The following CFAP95 variants were observed in gnomAD, a reference collection of about 807,000 sequenced individuals.
The protein encoded by CFAP95 is cilia and flagella associated protein 95.
chr9:69,845,645 C>G, the CFAP95 span, among the ~76,000 whole-genome samples: 1 of 152,128 alleles, frequency 6.6e-6, no homozygotes, highest in Admixed American at 6.6e-5. Flanking sequence ...TAATAAGGAT[C>G]GCCTGGAGAA....
chr9:69,854,518 G>T, the CFAP95 span, among the ~76,000 whole-genome samples: 2 of 152,188 alleles, frequency 1.3e-5, no homozygotes, highest in Non-Finnish European at 2.9e-5. Context: ...TAGCTGATTT[G>T]CCTGGGCATT....
chr9:69,834,929 T>A, the CFAP95 span, among the ~76,000 whole-genome samples: 1 of 152,250 alleles, frequency 6.6e-6, no homozygotes. Context: ...TCTTCATTTA[T>A]CAGTTTGAGG....
chr9:69,823,747 C>A, the CFAP95 span, among the ~76,000 whole-genome samples: 1 of 151,946 alleles, frequency 6.6e-6, no homozygotes, highest in Admixed American at 6.6e-5. Flanking sequence ...AGGGTGGGGC[C>A]GTTTTATAGG....
At chr9:69,833,399 G>A in the CFAP95 span, among the ~76,000 whole-genome samples, 3 of 152,008 alleles carry the variant, frequency 2.0e-5, no homozygotes, top group South Asian at 4.2e-4. Flanking sequence ...ACGGGGTTTC[G>A]CCATGTTGGG....
chr9:69,846,317 T>G, the CFAP95 span, among the ~76,000 whole-genome samples: 4 of 152,168 alleles, frequency 2.6e-5, no homozygotes, highest in Admixed American at 2.6e-4. Flanking sequence ...AAGCCTCAGG[T>G]TTAATGAGAA....
At chr9:69,849,720 C>T in the CFAP95 span, among the ~76,000 whole-genome samples, 1 of 152,128 alleles carries the variant, frequency 6.6e-6, no homozygotes, top group Non-Finnish European at 1.5e-5. Flanking sequence ...ACATACCATT[C>T]AGGTTTCAAT....
the CFAP95 span, among the ~76,000 whole-genome samples, chr9:69,898,586 A>G: frequency 6.6e-6 from 1 of 152,322 alleles, no homozygotes; most frequent in East Asian, 1.9e-4. Flanking sequence ...AAATAGTTCA[A>G]TGTGTATCTC....
chr9:69,824,269 A>G, the CFAP95 span, among the ~76,000 whole-genome samples: 42 of 152,362 alleles, frequency 2.8e-4, no homozygotes, highest in East Asian at 6.0e-3. Flanking sequence ...GCCCCACAGG[A>G]AACAGAATTC....
At chr9:69,832,948 G>C in the CFAP95 span, among the ~76,000 whole-genome samples, 2 of 152,018 alleles carry the variant, frequency 1.3e-5, no homozygotes, top group African/African-American at 4.8e-5. Flanking sequence ...GTTATGGAAA[G>C]TAATCTTTAA....
chr9:69,821,074 G>T, the CFAP95 span: 1 of 1,599,576 alleles, frequency 6.3e-7, no homozygotes, highest in Middle Eastern at 1.7e-4. Flanking sequence ...CTGCGGGGAG[G>T]AAAGAGAGGG....
chr9:69,825,301 G>T, the CFAP95 span, among the ~76,000 whole-genome samples: 1 of 152,076 alleles, frequency 6.6e-6, no homozygotes, highest in African/African-American at 2.4e-5. Context: ...ACTTTCCTCT[G>T]ATAACACAGT....
the CFAP95 span, among the ~76,000 whole-genome samples, chr9:69,843,557 C>CCTTCTTCTTCTTCTTCTT: frequency 1.4e-4 from 2 of 14,718 alleles, no homozygotes; most frequent in Non-Finnish European, 1.2e-4. Flanking sequence ...TCCTCCTCCT[C>CCTTCTTCTTCTTCTTCTT]CTTCTTCTTC....
chr9:69,867,997 A>G, the CFAP95 span, among the ~76,000 whole-genome samples: 1 of 152,252 alleles, frequency 6.6e-6, no homozygotes, highest in Non-Finnish European at 1.5e-5. Flanking sequence ...CTTTCAAGCC[A>G]TAACAATAGG....
the CFAP95 span, among the ~76,000 whole-genome samples, chr9:69,892,723 C>T: frequency 6.6e-6 from 1 of 152,132 alleles, no homozygotes; most frequent in Non-Finnish European, 1.5e-5. Flanking sequence ...GCCTCACCAG[C>T]AGAGCAGCAG....
chr9:69,899,173 G>A, the CFAP95 span, among the ~76,000 whole-genome samples: 46 of 152,348 alleles, frequency 3.0e-4, no homozygotes, highest in African/African-American at 1.1e-3. Context: ...AACTCTGTGT[G>A]TGTAGCACCG....
chr9:69,860,021 C>T, the CFAP95 span, among the ~76,000 whole-genome samples: 1 of 152,122 alleles, frequency 6.6e-6, no homozygotes, highest in South Asian at 2.1e-4. Context: ...CTGGGTGAGT[C>T]CATGAGTGAG....
At chr9:69,891,068 A>T in the CFAP95 span, among the ~76,000 whole-genome samples, 1 of 152,244 alleles carries the variant, frequency 6.6e-6, no homozygotes, top group Non-Finnish European at 1.5e-5. Flanking sequence ...AACAGCGGAA[A>T]AGTTGGAAAG....
chr9:69,901,427 G>A, the CFAP95 span, among the ~76,000 whole-genome samples: 3 of 152,140 alleles, frequency 2.0e-5, no homozygotes, highest in African/African-American at 7.2e-5. Context: ...GTGAGCCACC[G>A]CGCCCGGCCG....
chr9:69,879,954 C>T, the CFAP95 span, among the ~76,000 whole-genome samples: 1 of 151,634 alleles, frequency 6.6e-6, no homozygotes, highest in African/African-American at 2.4e-5. Flanking sequence ...ACTGTATATA[C>T]TTTTATATAT....
Sources: gnomAD v4.1 joint callset for allele counts (sites outside exome capture counted in the v4.1 genomes callset) on GRCh38, gnomAD v4.1.1 for gene constraint, MANE v1.5 for transcripts, NCBI Gene and HGNC (gene_info 2026-07-23, HGNC 2026-07-21) for gene names.